The following KIAA0319L variants were observed in gnomAD, a reference collection of about 807,000 sequenced individuals.
KIAA0319L encodes KIAA0319 like, also known as dyslexia-associated protein KIAA0319-like protein.
A neutral mutation model predicts 120.1 loss-of-function variants in KIAA0319L; 55 were observed. The ratio of observed to expected loss-of-function variants is 0.46; its 90% CI spans 0.37 to 0.57. The LOEUF is 0.57. Ranked by LOEUF, KIAA0319L falls within the 20% of genes least tolerant of loss-of-function variation. The pLI is 0.00. For missense variants in KIAA0319L, 1,049 were observed against 1,255.3 expected (o/e 0.84, Z 2.48); for synonymous variants, 398 against 471.9 (o/e 0.84, Z 2.03).
chr1:35,538,411 T>C (rs1646664476), intron 2 of KIAA0319L, among the ~76,000 whole-genome samples: 2 of 151,550 alleles, frequency 1.3e-5, no homozygotes, highest in Non-Finnish European at 1.5e-5. Context: ...GCCAATACAG[T>C]GAAACCCCAT....
Position 35,513,764 on chromosome 1 carries a change from C to T in KIAA0319L, c.143-6629G>A, listed in dbSNP as rs76742157. Among the ~76,000 whole-genome samples, 1,263 of 152,222 alleles carry T rather than the reference C, an allele frequency of 8.3e-3. 21 individuals carry two copies. Among genetic ancestry groups the T allele is most frequent in the African/African-American group, 0.029 (1,210 of 41,518 alleles). ...AATATAAATTTGTATTTCTTAAAAGCAGCTTTACTGCCCACTGATTCCCTT... is the reference window on the plus strand; with the variant it reads ...AATATAAATTTGTATTTCTTAAAAGTAGCTTTACTGCCCACTGATTCCCTT... On this transcript the variant is annotated intron_variant, in intron 2 of 20. Coordinates refer to ENST00000325722, the MANE Select transcript of KIAA0319L (RefSeq NM_024874.5).
intron 9 of KIAA0319L, among the ~76,000 whole-genome samples, chr1:35,459,728 A>C (rs924827649): frequency 1.3e-5 from 2 of 152,204 alleles, no homozygotes; most frequent in Admixed American, 6.5e-5. Context: ...ATATTAATAC[A>C]AGTGCTTTTT....
At chr1:35,502,931 T>C (rs772210266) in intron 3 of KIAA0319L, among the ~76,000 whole-genome samples, 4 of 152,036 alleles carry the variant, frequency 2.6e-5, no homozygotes, top group Non-Finnish European at 5.9e-5. Context: ...CTTGACAGAG[T>C]TGCTGAGAGC....
intron 16 of KIAA0319L, among the ~76,000 whole-genome samples, 197 bp from the exon 17 acceptor site, chr1:35,444,500 G>A (rs949764939): frequency 6.6e-6 from 1 of 152,190 alleles, no homozygotes; most frequent in African/African-American, 2.4e-5. Context: ...CTTTGTAAGA[G>A]GGGTTAAGTA....
chr1:35,545,590 C>T (rs1431160074), intron 2 of KIAA0319L, among the ~76,000 whole-genome samples: 1 of 152,144 alleles, frequency 6.6e-6, no homozygotes, highest in African/African-American at 2.4e-5. Flanking sequence ...TGAACTGTGA[C>T]ATGCATGTGA....
chr1:35,506,552 T>C lies in KIAA0319L; in HGVS notation c.666+60A>G, dbSNP rs1429342515. The C allele has an allele frequency of 8.7e-6, 13 of 1,490,622 alleles. No homozygotes were observed. The highest frequency in any genetic ancestry group is 2.5e-5 in the South Asian group (2 of 79,240). 92.3% of individuals were successfully genotyped at this position (1,490,622 alleles called of 1,614,324 possible). A position where few individuals can be genotyped will look rare whatever the true frequency, so the allele number is the denominator to read the frequency against. On this transcript the variant is annotated intron_variant, in intron 3 of 20. Coordinates refer to ENST00000325722, the MANE Select transcript of KIAA0319L (RefSeq NM_024874.5). This position sits in a 1 kb window ranked among gnomAD's most constrained non-coding sequence, Gnocchi z 4.0. The stretch of plus-strand genomic sequence containing the variant: ...GCAAGCATCAGCTTCATTGCTCATA[T>C]ATACCAAATGTAAGAGCAGATTTAA...
At chr1:35,519,285 A>G (rs932029027) in intron 2 of KIAA0319L, among the ~76,000 whole-genome samples, 1 of 152,220 alleles carries the variant, frequency 6.6e-6, no homozygotes, top group African/African-American at 2.4e-5. Context: ...GGTAAGAATT[A>G]AAAGTGATTG....
chr1:35,476,942 A>C (rs1643912751), intron 4 of KIAA0319L, among the ~76,000 whole-genome samples: 1 of 152,212 alleles, frequency 6.6e-6, no homozygotes, highest in Non-Finnish European at 1.5e-5. Context: ...GCACAGATTT[A>C]TTTATACACT....
intron 18 of KIAA0319L, 49 bp downstream of exon 18, chr1:35,442,857 C>A: frequency 1.2e-6 from 2 of 1,612,776 alleles, no homozygotes; most frequent in Non-Finnish European, 1.7e-6. Flanking sequence ...CAGTGCAGAA[C>A]CACATTCAGC....
chr1:35,479,205 T>C lies in KIAA0319L; in HGVS notation c.674A>G (p.Lys225Arg). 1.9e-6 allele frequency: 3 copies of C among 1,612,484 alleles called. No homozygotes were observed. The highest frequency in any genetic ancestry group is 2.5e-6 in the Non-Finnish European group (3 of 1,178,694). ...LTTSGSAEVHKAITISSPLTT... is the reference protein window; with the variant it reads ...LTTSGSAEVHRAITISSPLTT... The stretch of plus-strand genomic sequence containing the variant: ...TAGGGGACTGGAAATTGTAATCGCC[T>C]TGTGGACCTAAAGAAATAAAAAAAC... Residue 225 changes from lysine to arginine, a missense_variant, in exon 4 of 21, where the codon AAG (lysine) becomes AGG (arginine). By Grantham distance (26) the Lys-to-Arg change is conservative. Transcript: ENST00000325722.
At chr1:35,499,995 T>A (rs1017681675) in intron 3 of KIAA0319L, among the ~76,000 whole-genome samples, 43 of 152,160 alleles carry the variant, frequency 2.8e-4, no homozygotes, top group African/African-American at 9.9e-4. Flanking sequence ...CAGATGGCTA[T>A]CTGGGTGCTT....
At chr1:35,546,261 G>A (rs544722735) in intron 2 of KIAA0319L, among the ~76,000 whole-genome samples, 108 of 152,278 alleles carry the variant, frequency 7.1e-4, no homozygotes, top group African/African-American at 2.4e-3. Context: ...AGAAAGTGCT[G>A]TGCATTGGCT....
In KIAA0319L at chr1:35,489,793, A is replaced by C. The variant is rs1400286621; in HGVS notation, c.667-10581T>G. 4.1e-4 allele frequency among the ~76,000 whole-genome samples: 62 copies of C among 151,622 alleles called. 1 individual carries two copies. The highest frequency in any genetic ancestry group is 5.9e-5 in the Non-Finnish European group (4 of 67,908). On this transcript the variant is annotated intron_variant, in intron 3 of 20. Coordinates refer to ENST00000325722, the MANE Select transcript of KIAA0319L (RefSeq NM_024874.5). ...GCGATTCTCCTGCCTCAGCCTCCCA[A>C]ATAGCTGAGATTACAGGCGCCTGCC...
chr1:35,542,133 C>T (rs976724426), intron 2 of KIAA0319L, among the ~76,000 whole-genome samples: 6 of 152,170 alleles, frequency 3.9e-5, no homozygotes, highest in Non-Finnish European at 7.3e-5. Context: ...GGCGGTTAGA[C>T]AAGAATTTAA....
chr1:35,489,606 T>A (rs1417861376), intron 3 of KIAA0319L, among the ~76,000 whole-genome samples: 1 of 151,822 alleles, frequency 6.6e-6, no homozygotes, highest in Non-Finnish European at 1.5e-5. Context: ...TAATCAGATG[T>A]ATATGGAGAA....
In KIAA0319L at chr1:35,490,155, T is replaced by C. The variant is rs565103279; in HGVS notation, c.667-10943A>G. Among the ~76,000 whole-genome samples the C allele has an allele frequency of 5.6e-4, 85 of 152,284 alleles. 1 individual carries two copies. The South Asian group carries it at 0.016, about 29-fold the overall frequency. On this transcript the variant is annotated intron_variant, in intron 3 of 20. Coordinates refer to ENST00000325722, the MANE Select transcript of KIAA0319L (RefSeq NM_024874.5). ...TGCCTAGGCTGCCCTGTAGTTCTCTTGATTACAGAGAAAAGTACTCAAGTT... is the reference window on the plus strand; with the variant it reads ...TGCCTAGGCTGCCCTGTAGTTCTCTCGATTACAGAGAAAAGTACTCAAGTT...
intron 2 of KIAA0319L, among the ~76,000 whole-genome samples, chr1:35,511,937 T>C (rs1570899561): frequency 6.6e-6 from 1 of 152,148 alleles, no homozygotes; most frequent in African/African-American, 2.4e-5. Context: ...TTTTTAACAA[T>C]GAAGCTATTT....
Position 35,453,577 on chromosome 1 carries a change from T to C in KIAA0319L, c.1893A>G (p.Ser631=), listed in dbSNP as rs16837364. Reference sequence around the variant, plus strand: ...CTCACTGTGTTTTTTCCCAGAGATATGAGATAATTTTCTGATCATCTGAGC... The same window carrying C: ...CTCACTGTGTTTTTTCCCAGAGATACGAGATAATTTTCTGATCATCTGAGC... ...SKSSDDQKII[S]YLWEKTQGPD... Residue 631 remains serine, a synonymous_variant, in exon 12 of 21, where the codon TCA becomes TCG. Transcript: ENST00000325722. This position sits in a 1 kb window ranked among gnomAD's most constrained non-coding sequence, Gnocchi z 4.1. 22,559 of 1,612,850 alleles carry C rather than the reference T, an allele frequency of 0.014. 529 individuals carry two copies. The highest frequency in any genetic ancestry group is 0.1 in the African/African-American group (7,608 of 74,940).
intron 3 of KIAA0319L, among the ~76,000 whole-genome samples, chr1:35,489,033 C>T (rs1644493074): frequency 6.6e-6 from 1 of 152,170 alleles, no homozygotes; most frequent in African/African-American, 2.4e-5. Context: ...CAAGTTTGAA[C>T]AATGAGCATC....
Sources: gnomAD v4.1 joint callset for allele counts (sites outside exome capture counted in the v4.1 genomes callset) on GRCh38, gnomAD v4.1.1 for gene constraint, Gnocchi (gnomAD v3.1) non-coding constraint, MANE v1.5 for transcripts, NCBI Gene and HGNC (gene_info 2026-07-23, HGNC 2026-07-21) for gene names.